Variants in TPRG1 observed in about 807,000 individuals in gnomAD.
The protein encoded by TPRG1 is tumor protein p63-regulated gene 1 protein.
TPRG1 carries 29 observed loss-of-function variants against 29.3 expected under a neutral mutation model. The observed-to-expected ratio is 0.99, with a 90% CI of 0.74 to 1.35. TPRG1 has a LOEUF of 1.35. Ranked by LOEUF, TPRG1 falls within the 40% of genes most tolerant of loss-of-function variation. The pLI is 0.00. For synonymous variants in TPRG1, 130 were observed against 116.8 expected (o/e 1.11, Z -0.73); for missense variants, 327 against 335.0 (o/e 0.98, Z 0.19).
chr3:189,003,089 A>G (rs1240668085), intron 2 of TPRG1, among the ~76,000 whole-genome samples: 1 of 152,162 alleles, frequency 6.6e-6, no homozygotes, highest in Non-Finnish European at 1.5e-5. Context: ...GCATAACGAC[A>G]TTATTTTTCA....
intron 3 of TPRG1, among the ~76,000 whole-genome samples, chr3:189,135,524 C>G (rs1321306792): frequency 6.6e-6 from 1 of 152,224 alleles, no homozygotes; most frequent in Non-Finnish European, 1.5e-5. Context: ...TATGCTCCCC[C>G]TGAAATCTGT....
At chr3:189,207,670 T>G in intron 2 of TPRG1, 76 bp downstream of exon 2, 2 of 1,368,930 alleles carry the variant, frequency 1.5e-6, no homozygotes, top group Non-Finnish European at 2.1e-6. Context: ...GTGTATCACA[T>G]ATTTACTGAG....
upstream of TPRG1, among the ~76,000 whole-genome samples, chr3:189,098,818 G>A (rs1396920398): frequency 1.3e-5 from 2 of 152,050 alleles, no homozygotes; most frequent in Admixed American, 6.5e-5. Context: ...TGAAGTCTCT[G>A]GCCTTATAAC....
chr3:189,060,882 C>T (rs1160839360), intron 4 of TPRG1, among the ~76,000 whole-genome samples: 1 of 152,062 alleles, frequency 6.6e-6, no homozygotes, highest in East Asian at 1.9e-4. Context: ...AAGCATTGTA[C>T]GGATTCAACA....
At chr3:189,023,002 C>A (rs1039293619) in intron 3 of TPRG1, among the ~76,000 whole-genome samples, 1 of 152,170 alleles carries the variant, frequency 6.6e-6, no homozygotes, top group African/African-American at 2.4e-5. Flanking sequence ...AGGTGCCGTC[C>A]GTCACCCCTT....
chr3:189,113,908 TAAAG>T (rs1720861410), intron 1 of TPRG1, among the ~76,000 whole-genome samples: 1 of 137,592 alleles, frequency 7.3e-6, no homozygotes, highest in Non-Finnish European at 1.5e-5. Flanking sequence ...CCCTAAAACT[TAAAG>T]TATAATAATA....
rs148110707 is a variant in TPRG1, at chr3:189,300,519, A to T, written c.480-9867A>T. On this transcript the variant is annotated intron_variant, in intron 4 of 5. Transcript: ENST00000345063. ...CTATTGTGTCTTTTTCAATCCTGTT[A>T]TATGCTTCCCACTCAGGTTTAGTGC... Among the ~76,000 whole-genome samples, 202 of 152,318 alleles carry T rather than the reference A, an allele frequency of 1.3e-3. 2 individuals carry two copies. The highest frequency in any genetic ancestry group is 4.4e-3 in the African/African-American group (182 of 41,584).
intron 4 of TPRG1, among the ~76,000 whole-genome samples, chr3:189,273,438 C>T (rs1003014885): frequency 1.3e-5 from 2 of 152,188 alleles, no homozygotes; most frequent in African/African-American, 4.8e-5. Context: ...TTATGTCCTT[C>T]ATTCCCATCC....
chr3:189,114,962 T>C (rs1289685577), intron 1 of TPRG1, among the ~76,000 whole-genome samples: 2 of 152,174 alleles, frequency 1.3e-5, no homozygotes, highest in African/African-American at 4.8e-5. Flanking sequence ...TGTATCTCTT[T>C]TAGAATATAA....
chr3:189,043,630 C>T (rs920667385), intron 4 of TPRG1, among the ~76,000 whole-genome samples: 1 of 152,178 alleles, frequency 6.6e-6, no homozygotes, highest in African/African-American at 2.4e-5. Context: ...CGACAACTCC[C>T]TTCAGAGACT....
intron 4 of TPRG1, among the ~76,000 whole-genome samples, chr3:189,077,068 T>G (rs534740575): frequency 3.9e-5 from 6 of 152,236 alleles, no homozygotes; most frequent in African/African-American, 1.4e-4. Context: ...AGTGGAACTT[T>G]CCTACATTGC....
chr3:189,132,738 C>A (rs1473122655), intron 3 of TPRG1: 1 of 152,224 alleles, frequency 6.6e-6, no homozygotes, highest in East Asian at 1.9e-4. Flanking sequence ...GAATCAGCTA[C>A]TCAAATCTGA....
At position 189,320,882 on chromosome 3, in the gene TPRG1, G is replaced by C; in HGVS notation, c.*62G>C. On this transcript the variant is annotated 3_prime_UTR_variant, in exon 6 of 6. Transcript: ENST00000345063. The stretch of plus-strand genomic sequence containing the variant: ...TATGTCACTTTGAAAATTCCAGTTT[G>C]ACCCACGCTATTTTTGGACTGAAAC... 2 of 1,312,348 alleles carry C rather than the reference G, an allele frequency of 1.5e-6. No individual in the cohort carries two copies. The highest frequency in any genetic ancestry group is 2.0e-6 in the Non-Finnish European group (2 of 986,890). 81.3% of individuals were successfully genotyped at this position (1,312,348 alleles called of 1,614,324 possible).
At chr3:189,018,467 G>A (rs1234581572) in intron 3 of TPRG1, among the ~76,000 whole-genome samples, 2 of 131,288 alleles carry the variant, frequency 1.5e-5, no homozygotes, top group Non-Finnish European at 1.6e-5. Context: ...AGTTTTCCCA[G>A]CACCATTTAT....
At chr3:189,103,091 T>C (rs974800926) in intron 1 of TPRG1, among the ~76,000 whole-genome samples, 2 of 152,182 alleles carry the variant, frequency 1.3e-5, no homozygotes, top group African/African-American at 2.4e-5. Flanking sequence ...CTCCACATCA[T>C]GATTCTCAAC....
At chr3:189,164,575 C>G (rs1727906545) in intron 5 of TPRG1, among the ~76,000 whole-genome samples, 1 of 150,590 alleles carries the variant, frequency 6.6e-6, no homozygotes, top group Non-Finnish European at 1.5e-5. Context: ...ATTTGTTATT[C>G]TTTTTACCTC....
intron 1 of TPRG1, among the ~76,000 whole-genome samples, chr3:189,110,383 A>G (rs1720362921): frequency 6.6e-6 from 1 of 152,008 alleles, no homozygotes; most frequent in Non-Finnish European, 1.5e-5. Context: ...TGTTTTGTCC[A>G]CTTTTAAATT....
chr3:189,078,675 A>G (rs1014681494), intron 4 of TPRG1, among the ~76,000 whole-genome samples: 1 of 152,200 alleles, frequency 6.6e-6, no homozygotes, highest in Non-Finnish European at 1.5e-5. Context: ...GATAATAGAT[A>G]TATTATGCTT....
chr3:189,145,508 G>T (rs1578525345), intron 3 of TPRG1, among the ~76,000 whole-genome samples: 1 of 152,166 alleles, frequency 6.6e-6, no homozygotes, highest in Admixed American at 6.6e-5. Flanking sequence ...CCTTGACAGT[G>T]AAGTAACATT....
Sources: allele counts gnomAD v4.1 joint callset (sites outside exome capture counted in the v4.1 genomes callset), GRCh38; gene constraint gnomAD v4.1.1; transcripts MANE v1.5; gene names NCBI Gene and HGNC (gene_info 2026-07-23, HGNC 2026-07-21).